The following COL15A1 variants were observed in gnomAD, a reference collection of about 807,000 sequenced individuals.
The protein encoded by COL15A1 is collagen alpha-1(XV) chain.
COL15A1 carries 111 observed loss-of-function variants against 165.9 expected under a neutral mutation model. That is an observed-to-expected ratio of 0.67 (90% confidence interval 0.57 to 0.78). COL15A1 has a LOEUF of 0.78. Among genes scored for constraint, COL15A1 ranks in the 30% least tolerant of loss-of-function variants. The pLI is 0.00. For missense variants in COL15A1, 1,745 were observed against 1,789.7 expected (o/e 0.98, Z 0.45); for synonymous variants, 659 against 674.8 (o/e 0.98, Z 0.36).
intron 2 of COL15A1, among the ~76,000 whole-genome samples, chr9:98,960,219 G>T (rs1297670458): frequency 3.9e-5 from 6 of 151,928 alleles, no homozygotes; most frequent in Non-Finnish European, 8.8e-5. Flanking sequence ...ACCAGCCTGG[G>T]CACCATAGTG....
At chr9:98,978,718 T>A (rs1838184793) in intron 2 of COL15A1, among the ~76,000 whole-genome samples, 1 of 152,152 alleles carries the variant, frequency 6.6e-6, no homozygotes, top group Non-Finnish European at 1.5e-5. Flanking sequence ...TTTCTATAAG[T>A]GGATGCAAGG....
chr9:99,056,543 T>A, intron 35 of COL15A1, 139 bp downstream of exon 35: 1 of 1,311,838 alleles, frequency 7.6e-7, no homozygotes, highest in Non-Finnish European at 1.0e-6. Flanking sequence ...TTTTTTTTAA[T>A]TGAGATACAA....
chr9:98,988,001 A>G (rs371942178), intron 4 of COL15A1, among the ~76,000 whole-genome samples: 40 of 152,304 alleles, frequency 2.6e-4, no homozygotes, highest in African/African-American at 9.4e-4. Flanking sequence ...AGGAGAGGAA[A>G]GAGGAGGAAC....
At chr9:98,950,308 G>A (rs12376810) in intron 2 of COL15A1, among the ~76,000 whole-genome samples, 13 of 152,166 alleles carry the variant, frequency 8.5e-5, no homozygotes, top group Non-Finnish European at 1.8e-4. Flanking sequence ...CACCAGCAAT[G>A]TATGAGGGCT....
At chr9:99,062,926 TACAG>T in intron 38 of COL15A1, 120 bp from the exon 39 acceptor site, 1 of 1,200,860 alleles carries the variant, frequency 8.3e-7, no homozygotes. Flanking sequence ...GAGTCACAGT[TACAG>T]ACAATGGCAA....
At chr9:98,982,980 T>C (rs1838254610) in intron 2 of COL15A1, among the ~76,000 whole-genome samples, 1 of 152,242 alleles carries the variant, frequency 6.6e-6, no homozygotes, top group Non-Finnish European at 1.5e-5. Flanking sequence ...GCCAGCACTT[T>C]GTATTATGTC....
intron 11 of COL15A1, among the ~76,000 whole-genome samples, chr9:99,017,024 C>T (rs1838947044): frequency 6.6e-6 from 1 of 152,240 alleles, no homozygotes; most frequent in Non-Finnish European, 1.5e-5. Context: ...TTAGAGTTGT[C>T]TTGCATTCAT....
intron 16 of COL15A1, among the ~76,000 whole-genome samples, chr9:99,026,181 C>T (rs1839120843): frequency 6.6e-6 from 1 of 152,206 alleles, no homozygotes; most frequent in East Asian, 1.9e-4. Context: ...CTGCCCCTAG[C>T]TTCAGTGAAT....
intron 2 of COL15A1, among the ~76,000 whole-genome samples, chr9:98,976,086 G>T (rs1340168466): frequency 1.3e-5 from 2 of 152,322 alleles, no homozygotes; most frequent in Admixed American, 1.3e-4. Flanking sequence ...ACTACTAATG[G>T]TCACCTAGAT....
chr9:98,959,247 A>AAC (rs1554683053), intron 2 of COL15A1, among the ~76,000 whole-genome samples: 17 of 147,412 alleles, frequency 1.2e-4, no homozygotes, highest in African/African-American at 3.8e-4. Context: ...AAAAAAAAAA[A>AAC]CTAAAAACTA....
At chr9:99,040,790 A>AG in intron 23 of COL15A1, 5 of 649,982 alleles carry the variant, frequency 7.7e-6, no homozygotes, top group Non-Finnish European at 1.3e-5. Context: ...AAGTGCTGGG[A>AG]TTACAAGCAT....
chr9:98,955,583 CA>C (rs1273177961), intron 2 of COL15A1, among the ~76,000 whole-genome samples: 2 of 152,240 alleles, frequency 1.3e-5, no homozygotes, highest in Admixed American at 6.5e-5. Context: ...GACCACCCTG[CA>C]GCCATCCACT....
chr9:98,981,722 T>G (rs1838238179), intron 2 of COL15A1, among the ~76,000 whole-genome samples: 1 of 152,206 alleles, frequency 6.6e-6, no homozygotes, highest in South Asian at 2.1e-4. Flanking sequence ...GGAAAAGGAC[T>G]GAAGAGAGTT....
chr9:98,982,050 C>T (rs1283037284), intron 2 of COL15A1, among the ~76,000 whole-genome samples: 11 of 152,080 alleles, frequency 7.2e-5, no homozygotes, highest in Non-Finnish European at 1.5e-4. Context: ...ATTTTCCTAC[C>T]TTGGCCTCCT....
chr9:98,993,013 C>T (rs1304334314), intron 5 of COL15A1, among the ~76,000 whole-genome samples: 1 of 152,166 alleles, frequency 6.6e-6, no homozygotes, highest in East Asian at 1.9e-4. Context: ...TTCCCCAACC[C>T]AACTTTTCTC....
chr9:99,045,523 A>C (rs553042624), intron 26 of COL15A1, among the ~76,000 whole-genome samples: 3 of 152,342 alleles, frequency 2.0e-5, no homozygotes, highest in African/African-American at 7.2e-5. Flanking sequence ...ATTTCTCTCA[A>C]GGGCGAACCC....
At chr9:99,025,778 C>G in intron 15 of COL15A1, 126 bp from the exon 16 acceptor site, 1 of 948,970 alleles carries the variant, frequency 1.1e-6, no homozygotes, top group Non-Finnish European at 1.7e-6. Context: ...CTGCCTTGCA[C>G]CTGACATGAG....
chr9:99,006,537 G>A (rs981637160), intron 9 of COL15A1, among the ~76,000 whole-genome samples: 6 of 152,210 alleles, frequency 3.9e-5, no homozygotes, highest in African/African-American at 1.4e-4. Context: ...GCTGGGGGTG[G>A]AGGTGGGGGA....
chr9:99,014,008 T>G (rs1588515374), intron 9 of COL15A1, among the ~76,000 whole-genome samples: 2 of 152,182 alleles, frequency 1.3e-5, no homozygotes, highest in South Asian at 4.2e-4. Flanking sequence ...CTGTGAGAAA[T>G]TTTAGCCAAT....
Sources: allele counts gnomAD v4.1 joint callset (sites outside exome capture counted in the v4.1 genomes callset), GRCh38; gene constraint gnomAD v4.1.1; transcripts MANE v1.5; gene names NCBI Gene and HGNC (gene_info 2026-07-23, HGNC 2026-07-21).